DHX32: variants seen among roughly 807,000 people sequenced by gnomAD.
DHX32 encodes the protein DEAH-box helicase 32 (putative), also known as putative pre-mRNA-splicing factor ATP-dependent RNA helicase DHX32.
In DHX32, 51 loss-of-function variants were observed where a neutral mutation model predicts 70.0. That is an observed-to-expected ratio of 0.73 (90% CI 0.58 to 0.92). The LOEUF is 0.92. Ranked by LOEUF, DHX32 falls within the 40% of genes least tolerant of loss-of-function variation. The pLI, the probability that DHX32 is intolerant of heterozygous loss-of-function variation, is 0.00. For synonymous variants in DHX32, 310 were observed against 315.3 expected (o/e 0.98, Z 0.18); for missense variants, 762 against 891.8 (o/e 0.85, Z 1.85).
At chr10:125,849,467 G>A (rs963419878) in intron 6 of DHX32, among the ~76,000 whole-genome samples, 1 of 152,160 alleles carries the variant, frequency 6.6e-6, no homozygotes, top group Non-Finnish European at 1.5e-5. Context: ...GCATGTTTGC[G>A]TCTCTTTTTC....
Position 125,836,551 on chromosome 10 carries a change from A to G in DHX32, c.*136T>C. ...AACTTCTATTTTTTATTTTAAAATA[A>G]TATACACAGTGTTATTTTCTTCAAG... is the stretch of plus-strand genomic sequence containing the variant. On this transcript the variant is annotated 3_prime_UTR_variant, in exon 11 of 11. Transcript: ENST00000284690. The G allele has an allele frequency of 7.5e-7, 1 of 1,341,566 alleles. No individual in the cohort carries two copies. The highest frequency in any genetic ancestry group is 1.7e-5 in the South Asian group (1 of 58,568). 83.1% of individuals were successfully genotyped at this position (1,341,566 alleles called of 1,614,324 possible). A position where few individuals can be genotyped will look rare whatever the true frequency, so the allele number is the denominator to read the frequency against.
chr10:125,890,823 C>T (rs564159068), intron 1 of DHX32: 11 of 152,286 alleles, frequency 7.2e-5, no homozygotes, highest in African/African-American at 2.6e-4. Flanking sequence ...GTAATCCCAT[C>T]CTTTTGGGAG....
chr10:125,836,836 G>T lies in DHX32; in HGVS notation c.2083C>A (p.Gln695Lys), dbSNP rs773108161. 1 of 1,614,110 alleles carries T rather than the reference G, an allele frequency of 6.2e-7. No homozygotes were observed. Among genetic ancestry groups the T allele is most frequent in the Non-Finnish European group, 8.5e-7 (1 of 1,180,000 alleles). Residue 695 changes from glutamine to lysine, a missense_variant, in exon 11 of 11, where the codon CAA becomes AAA. Gln to Lys is a moderately conservative substitution (Grantham distance 53). This residue lies in a region of DHX32 where 366 missense variants were observed against 402.6 expected (regional missense o/e 0.91). Transcript: ENST00000284690. ...GGAGGCAGATTACTGAAATAGTATT[G>T]TGGTACCAGCTGCATAAATCTGTTT... ...SPELFMQLVP[Q>K]YYFSNLPPSE...
intron 1 of DHX32, among the ~76,000 whole-genome samples, chr10:125,870,949 T>C (rs1479837061): frequency 1.3e-5 from 2 of 152,240 alleles, no homozygotes; most frequent in African/African-American, 2.4e-5. Context: ...GCTAGAATCG[T>C]TGCTGAAATA....
intron 1 of DHX32, among the ~76,000 whole-genome samples, chr10:125,888,490 A>C (rs1222818414): frequency 6.6e-6 from 1 of 152,198 alleles, no homozygotes; most frequent in Admixed American, 6.5e-5. Context: ...TTTAAGATTT[A>C]TTTAATGTCT....
intron 1 of DHX32, among the ~76,000 whole-genome samples, chr10:125,875,168 G>A (rs925844942): frequency 8.6e-5 from 13 of 152,022 alleles, no homozygotes; most frequent in South Asian, 4.2e-4. Context: ...GCAGTGAGCC[G>A]TGATCATGCC....
upstream of DHX32, among the ~76,000 whole-genome samples, chr10:125,883,029 TTTTACCAAAAAGAAATGTTTCTC>T (rs1231482766): frequency 7.2e-5 from 11 of 152,214 alleles, no homozygotes; most frequent in Non-Finnish European, 1.5e-4. Context: ...CAGCTATTAT[TTTTACCAAAAAGAAATGTTTCTC>T]TTATTTATAA....
chr10:125,853,567 T>C (rs575738896), intron 4 of DHX32: 10 of 214,140 alleles, frequency 4.7e-5, no homozygotes, highest in African/African-American at 2.3e-4. Flanking sequence ...CTAATTACTC[T>C]GATAAAGGGG....
chr10:125,893,969 ATC>A (rs575635552), intron 1 of DHX32, among the ~76,000 whole-genome samples: 131 of 152,278 alleles, frequency 8.6e-4, no homozygotes, highest in Non-Finnish European at 1.0e-3. Flanking sequence ...AAAAGACTAC[ATC>A]TGTCTCTTCA....
intron 3 of DHX32, among the ~76,000 whole-genome samples, chr10:125,858,974 T>G (rs1944165328): frequency 6.6e-6 from 1 of 151,796 alleles, no homozygotes; most frequent in South Asian, 2.1e-4. Context: ...ATTGCACATT[T>G]CCAGTCATTC....
chr10:125,840,383 C>T (rs2282438), intron 8 of DHX32, among the ~76,000 whole-genome samples: 2 of 152,242 alleles, frequency 1.3e-5, no homozygotes, highest in African/African-American at 4.8e-5. Context: ...TGCAGCCTCC[C>T]CTCAGCACCC....
At chr10:125,889,274 T>G (rs1444604855) in intron 1 of DHX32, among the ~76,000 whole-genome samples, 5 of 152,312 alleles carry the variant, frequency 3.3e-5, no homozygotes, top group Middle Eastern at 3.4e-3. Context: ...TTGCAACTCC[T>G]GCAAAATAAG....
At chr10:125,879,946 A>C (rs1034328703) in intron 1 of DHX32, among the ~76,000 whole-genome samples, 1 of 151,998 alleles carries the variant, frequency 6.6e-6, no homozygotes, top group African/African-American at 2.4e-5. Flanking sequence ...GCCTGCTCCA[A>C]CTCTTTAATA....
At chr10:125,840,780 T>A in intron 8 of DHX32, 67 bp downstream of exon 8, 2 of 1,471,036 alleles carry the variant, frequency 1.4e-6, no homozygotes, top group South Asian at 1.5e-5. Context: ...GAATAACTAA[T>A]AAGGACTCAG....
chr10:125,860,963 A>G (rs954976255), intron 2 of DHX32, among the ~76,000 whole-genome samples: 9 of 151,774 alleles, frequency 5.9e-5, no homozygotes, highest in East Asian at 2.0e-4. Flanking sequence ...CGTGTTAGCC[A>G]GGATGGTCTC....
chr10:125,849,774 G>T (rs1944067232), intron 6 of DHX32, among the ~76,000 whole-genome samples: 1 of 152,192 alleles, frequency 6.6e-6, no homozygotes, highest in Non-Finnish European at 1.5e-5. Context: ...AACATTTAAA[G>T]ATCATTTTGT....
At chr10:125,853,878 C>A in intron 4 of DHX32, 83 bp downstream of exon 4, 1 of 1,515,440 alleles carries the variant, frequency 6.6e-7, no homozygotes, top group Non-Finnish European at 8.9e-7. Context: ...TCCTCACTTC[C>A]TGATCAGTAA....
intron 4 of DHX32, among the ~76,000 whole-genome samples, chr10:125,852,844 T>G (rs905742998): frequency 4.6e-5 from 7 of 152,262 alleles, no homozygotes; most frequent in Non-Finnish European, 8.8e-5. Flanking sequence ...ATTTAAAGGT[T>G]GTCTGCTTTC....
chr10:125,837,207 G>A (rs1254353142), intron 10 of DHX32, among the ~76,000 whole-genome samples: 1 of 152,054 alleles, frequency 6.6e-6, no homozygotes, highest in Non-Finnish European at 1.5e-5. Flanking sequence ...GGAGAGAGGG[G>A]GTATCTTTGC....
Sources: gnomAD v4.1 joint callset for allele counts (sites outside exome capture counted in the v4.1 genomes callset) on GRCh38, gnomAD v4.1.1 for gene constraint, gnomAD v4.1.1 regional missense constraint, MANE v1.5 for transcripts, NCBI Gene and HGNC (gene_info 2026-07-23, HGNC 2026-07-21) for gene names.